Variants in IGSF9B observed in about 807,000 individuals in gnomAD.
IGSF9B encodes the protein immunoglobulin superfamily member 9B.
IGSF9B carries 48 observed loss-of-function variants against 143.7 expected under a neutral mutation model. The observed-to-expected ratio is 0.33, with a 90% CI of 0.26 to 0.42. The LOEUF is 0.42. Among genes scored for constraint, IGSF9B ranks in the 20% least tolerant of loss-of-function variants. The pLI is 1.00. For synonymous variants in IGSF9B, 903 were observed against 833.1 expected, an observed-to-expected ratio of 1.08 and a Z score of -1.44; for missense variants, 1,706 against 1,980.0, an observed-to-expected ratio of 0.86 and a Z score of 2.63.
intron 12 of IGSF9B, among the ~76,000 whole-genome samples, chr11:133,927,471 G>A (rs1939648414): frequency 6.6e-6 from 1 of 152,194 alleles, no homozygotes; most frequent in South Asian, 2.1e-4. Flanking sequence ...GCTCAACAGT[G>A]GCAGGATGAG....
intron 7 of IGSF9B, among the ~76,000 whole-genome samples, chr11:133,933,160 G>C (rs538362637): frequency 9.8e-5 from 15 of 152,288 alleles, no homozygotes; most frequent in African/African-American, 3.4e-4. Flanking sequence ...CCAATCCTCA[G>C]TGCCCCTGTC....
At chr11:133,914,460 G>A (rs1939346765) in intron 18 of IGSF9B, among the ~76,000 whole-genome samples, 1 of 152,230 alleles carries the variant, frequency 6.6e-6, no homozygotes, top group Admixed American at 6.5e-5. Context: ...GTGCTTTGGT[G>A]GAACAGCCCC....
intron 19 of IGSF9B, among the ~76,000 whole-genome samples, chr11:133,910,057 G>A (rs549375012): frequency 2.6e-4 from 39 of 152,312 alleles, no homozygotes; most frequent in Admixed American, 7.2e-4. Flanking sequence ...GTGTGTCCCC[G>A]ATACAGAAGG....
intron 18 of IGSF9B, 66 bp from the exon 19 acceptor site, chr11:133,912,073 G>A: frequency 8.8e-6 from 13 of 1,472,920 alleles, no homozygotes; most frequent in South Asian, 2.8e-5. Flanking sequence ...AAGAGGGGCT[G>A]GAAGAAAGCC....
Position 133,928,333 on chromosome 11 carries a change from G to A in IGSF9B, c.1632-1242C>T, listed in dbSNP as rs956843282. ...AGTAAGGGGACGGGAGGTGAGCTGC[G>A]GCAACTCCCATCATCCAGGTGCAGT... On this transcript the variant is annotated intron_variant, in intron 12 of 19. Transcript: ENST00000533871. The surrounding 1 kb of genome is among the most constrained non-coding windows in gnomAD (Gnocchi z 4.7). Among the ~76,000 whole-genome samples the A allele has an allele frequency of 2.0e-5, 3 of 152,204 alleles. No individual in the cohort carries two copies. Among genetic ancestry groups the A allele is most frequent in the Non-Finnish European group, 4.4e-5 (3 of 68,002 alleles).
intron 1 of IGSF9B, among the ~76,000 whole-genome samples, chr11:133,947,728 C>CTCTCTCTCTT (rs566505053): frequency 1.8e-4 from 28 of 151,710 alleles, no homozygotes; most frequent in African/African-American, 6.3e-4. Context: ...CTCTCTCTCT[C>CTCTCTCTCTT]TCTCTCTCTC....
Position 133,908,088 on chromosome 11 carries a change from C to T in IGSF9B, c.*981G>A, listed in dbSNP as rs996834918. Among the ~76,000 whole-genome samples the T allele has an allele frequency of 6.6e-6, 1 of 152,216 alleles. No individual in the cohort carries two copies. The highest frequency in any genetic ancestry group is 1.5e-5 in the Non-Finnish European group (1 of 68,036). ...CTTGGCGCTAGCACAGGTGGCTCCG[C>T]AGTGGGGAGACTTTGGCCACAGAGC... On this transcript the variant is annotated 3_prime_UTR_variant, in exon 20 of 20. Transcript: ENST00000533871.
rs1329059136 is a variant in IGSF9B, at chr11:133,921,347, G to A, written c.2378C>T (p.Pro793Leu). ...SPESIRTLRA[P>L]SESSDDQGQP... ...GCCCTGGTCGTCGGAGGATTCTGAC[G>A]GCGCTCGGAGCGTGCGGATGCTCTC... Residue 793 changes from proline to leucine, a missense_variant, in exon 18 of 20, where the codon CCG becomes CTG. By Grantham distance (98) the Pro-to-Leu change is moderately conservative. This residue lies in a region of IGSF9B where 135 missense variants were observed against 181.3 expected (regional missense o/e 0.74). Transcript: ENST00000533871. 1.6e-5 allele frequency: 26 copies of A among 1,579,608 alleles called. No homozygotes were observed. The highest frequency in any genetic ancestry group is 3.4e-4 in the Middle Eastern group (2 of 5,920).
Position 133,922,683 on chromosome 11 carries a change from C to G in IGSF9B, c.2167G>C (p.Val723Leu). The G allele has an allele frequency of 6.3e-7, 1 of 1,588,478 alleles. No homozygotes were observed. The highest frequency in any genetic ancestry group is 8.6e-7 in the Non-Finnish European group (1 of 1,168,386). Residue 723 changes from valine to leucine, a missense_variant, in exon 16 of 20, where the codon GTG becomes CTG. This residue lies in a region of IGSF9B where 267 missense variants were observed against 321.1 expected (regional missense o/e 0.83). Transcript: ENST00000533871. ...ATGGTAGCTACGATTCCCGCCAGCACAGGCCGCGCCAGCCCATCCTCGGTC... is the reference window on the plus strand; with the variant it reads ...ATGGTAGCTACGATTCCCGCCAGCAGAGGCCGCGCCAGCCCATCCTCGGTC... Reference protein sequence around the residue: ...DLTEDGLARPVLAGIVATICF... With the variant: ...DLTEDGLARPLLAGIVATICF...
At position 133,900,120 on chromosome 11, in the gene IGSF9B, TA is replaced by T. The variant is rs1457985815; in HGVS notation, c.*8948del. ...GCTTTACCCCAACCTACTCTTCCCA[TA>T]ATACCCCAAAACTGTCAACCAAGCC... On this transcript the variant is annotated 3_prime_UTR_variant, in exon 20 of 20. Coordinates refer to ENST00000533871, the MANE Select transcript of IGSF9B (RefSeq NM_001277285.4). 1.3e-5 allele frequency: 2 copies of T among 152,604 alleles called. No individual in the cohort carries two copies. Among genetic ancestry groups the T allele is most frequent in the Non-Finnish European group, 2.9e-5 (2 of 68,084 alleles). 9.5% of individuals were successfully genotyped at this position (152,604 alleles called of 1,614,324 possible).
chr11:133,918,586 G>A (rs889201119), intron 18 of IGSF9B, among the ~76,000 whole-genome samples: 1 of 152,174 alleles, frequency 6.6e-6, no homozygotes, highest in African/African-American at 2.4e-5. Flanking sequence ...CCCCTTCCTC[G>A]GCCGGCCCCG....
Position 133,919,952 on chromosome 11 carries a change from G to T in IGSF9B, c.3773C>A (p.Pro1258His), listed in dbSNP as rs772266406. Reference sequence around the variant, plus strand: ...ACTCCCACTGCGGCTGCTCTGGGAGGGGGAGCCTGTGGACGGCGTAGACTT... The same window carrying T: ...ACTCCCACTGCGGCTGCTCTGGGAGTGGGAGCCTGTGGACGGCGTAGACTT... ...SRKSTPSTGS[P>H]SQSSRSGSPS... is the part of the protein sequence containing the mutation. Residue 1258 changes from proline to histidine, a missense_variant, in exon 18 of 20, where the codon CCC (proline) becomes CAC (histidine). Pro to His is a moderately conservative substitution (Grantham distance 77, BLOSUM62 -2). Transcript: ENST00000533871. The T allele has an allele frequency of 3.2e-6, 5 of 1,561,306 alleles. No homozygotes were observed. The Admixed American group carries it at 5.8e-5, about 18-fold the overall frequency.
intron 11 of IGSF9B, among the ~76,000 whole-genome samples, chr11:133,929,999 C>T (rs1001605487): frequency 9.2e-5 from 14 of 152,176 alleles, no homozygotes; most frequent in East Asian, 7.7e-4. Context: ...TCCCACTGTG[C>T]GGTCTAGTCC....
intron 18 of IGSF9B, chr11:133,918,971 G>C: frequency 2.1e-6 from 1 of 471,706 alleles, no homozygotes; most frequent in Admixed American, 2.3e-5. Context: ...GGGGACGGCA[G>C]GGAAGAAGGA....
At position 133,944,315 on chromosome 11, in the gene IGSF9B, G is replaced by C; in HGVS notation, c.314C>G (p.Ser105Cys). The C allele has an allele frequency of 6.2e-7, 1 of 1,613,974 alleles. No homozygotes were observed. The highest frequency in any genetic ancestry group is 8.5e-7 in the Non-Finnish European group (1 of 1,179,884). ...KASLRLEQVR[S>C]EDQGWYECKV... ...GCACTCATACCAGCCCTGGTCCTCA[G>C]AGCGAACTTGTTCCAGCCGCAGAGA... The change falls in exon 3 of 20, where the codon TCT becomes TGT. Residue 105 changes from serine to cysteine, a missense_variant. Transcript: ENST00000533871.
At chr11:133,934,761 A>G (rs1939791672) in intron 7 of IGSF9B, among the ~76,000 whole-genome samples, 1 of 152,064 alleles carries the variant, frequency 6.6e-6, no homozygotes, top group Admixed American at 6.5e-5. Context: ...CAGCTCGTAC[A>G]CTGACCCCGG....
intron 19 of IGSF9B, among the ~76,000 whole-genome samples, chr11:133,910,624 T>C (rs1939287808): frequency 6.6e-6 from 1 of 151,996 alleles, no homozygotes; most frequent in Non-Finnish European, 1.5e-5. Flanking sequence ...TAAAGGCGTA[T>C]GAAACACCCA....
At chr11:133,949,332 G>GCA (rs1479368742) in intron 1 of IGSF9B, among the ~76,000 whole-genome samples, 3 of 151,814 alleles carry the variant, frequency 2.0e-5, no homozygotes, top group African/African-American at 2.4e-5. Context: ...ACATGCGCAC[G>GCA]CACACACACA....
chr11:133,919,508 C>T (rs901069060), intron 18 of IGSF9B, among the ~76,000 whole-genome samples: 3 of 152,192 alleles, frequency 2.0e-5, no homozygotes, highest in South Asian at 2.1e-4. Flanking sequence ...CAGGGCTTGC[C>T]GGAGAAGACG....
Sources: allele counts gnomAD v4.1 joint callset (sites outside exome capture counted in the v4.1 genomes callset), GRCh38; gene constraint gnomAD v4.1.1; regional missense constraint gnomAD v4.1.1; non-coding constraint Gnocchi (gnomAD v3.1); transcripts MANE v1.5; gene names NCBI Gene and HGNC (gene_info 2026-07-23, HGNC 2026-07-21).